ANKRD30B: variants seen among roughly 807,000 people sequenced by gnomAD.
ANKRD30B encodes ankyrin repeat domain 30B, also known as ankyrin repeat domain-containing protein 30B.
ANKRD30B carries 144 observed loss-of-function variants against 202.2 expected under a neutral mutation model. The ratio of observed to expected loss-of-function variants is 0.71; its 90% CI spans 0.62 to 0.82. The LOEUF (loss-of-function observed/expected upper bound fraction) is 0.82. Among genes scored for constraint, ANKRD30B ranks in the 40% least tolerant of loss-of-function variants. ANKRD30B has a pLI of 0.00. For synonymous variants in ANKRD30B, 508 were observed against 561.3 expected (o/e 0.91, Z 1.34); for missense variants, 1,487 against 1,669.1 (o/e 0.89, Z 1.90).
At chr18:14,880,135 G>T in the ANKRD30B span, among the ~76,000 whole-genome samples, 2 of 152,018 alleles carry the variant, frequency 1.3e-5, no homozygotes, top group Middle Eastern at 3.4e-3. Context: ...TGTTGAAAAG[G>T]GTGTCCTTTC....
At chr18:14,808,942 C>G (rs1262446479) in intron 26 of ANKRD30B, among the ~76,000 whole-genome samples, 198 bp downstream of exon 26, 22 of 150,818 alleles carry the variant, frequency 1.5e-4, no homozygotes, top group Non-Finnish European at 3.0e-4. Context: ...AAAAATTCAG[C>G]TTTGCCTCAT....
At chr18:14,902,815 C>G in the ANKRD30B span, among the ~76,000 whole-genome samples, 3 of 152,164 alleles carry the variant, frequency 2.0e-5, no homozygotes, top group Non-Finnish European at 2.9e-5. Flanking sequence ...GCATATTTTT[C>G]TCCTATGTTT....
chr18:14,886,104 C>T, the ANKRD30B span, among the ~76,000 whole-genome samples: 1 of 151,696 alleles, frequency 6.6e-6, no homozygotes, highest in East Asian at 1.9e-4. Context: ...AAGTGCATTG[C>T]CAAGACATAG....
chr18:14,756,486 A>G (rs1567979573), intron 4 of ANKRD30B, among the ~76,000 whole-genome samples: 1 of 152,180 alleles, frequency 6.6e-6, no homozygotes, highest in Non-Finnish European at 1.5e-5. Context: ...GCCCATGCCT[A>G]TGTCCTGAAT....
the ANKRD30B span, among the ~76,000 whole-genome samples, chr18:14,911,993 T>G: frequency 6.6e-6 from 1 of 152,198 alleles, no homozygotes; most frequent in African/African-American, 2.4e-5. Context: ...GTTACAGAAT[T>G]CATTTATCAA....
chr18:14,860,352 T>G, the ANKRD30B span, among the ~76,000 whole-genome samples: 190 of 39,784 alleles, frequency 4.8e-3, no homozygotes, highest in South Asian at 5.8e-3. Flanking sequence ...CAGACAGGGC[T>G]GCCGGGCAGA....
the ANKRD30B span, among the ~76,000 whole-genome samples, chr18:14,892,468 G>T: frequency 6.6e-6 from 1 of 152,216 alleles, no homozygotes; most frequent in African/African-American, 2.4e-5. Context: ...GCTGGATGTG[G>T]TAGCTCACAC....
the ANKRD30B span, among the ~76,000 whole-genome samples, chr18:14,904,766 G>T: frequency 6.6e-6 from 1 of 152,160 alleles, no homozygotes; most frequent in Non-Finnish European, 1.5e-5. Context: ...ATTACAGCTT[G>T]GTTTATACTT....
intron 14 of ANKRD30B, among the ~76,000 whole-genome samples, chr18:14,785,668 TCTGAAAATGA>T (rs1968033657): frequency 6.6e-6 from 1 of 152,164 alleles, no homozygotes; most frequent in African/African-American, 2.4e-5. Context: ...AGGGTATGCT[TCTGAAAATGA>T]GTGAAAATGG....
At chr18:14,913,930 T>C in the ANKRD30B span, among the ~76,000 whole-genome samples, 1 of 152,224 alleles carries the variant, frequency 6.6e-6, no homozygotes. Context: ...TTTACAAAAG[T>C]CTTAATGAGG....
chr18:14,865,340 C>T, the ANKRD30B span, among the ~76,000 whole-genome samples: 1 of 148,288 alleles, frequency 6.7e-6, no homozygotes, highest in Non-Finnish European at 1.5e-5. Context: ...CTCTCTCTTC[C>T]CCCTCCCTCT....
chr18:14,790,192 G>A (rs1193040828), intron 15 of ANKRD30B, among the ~76,000 whole-genome samples: 1 of 152,112 alleles, frequency 6.6e-6, no homozygotes, highest in Non-Finnish European at 1.5e-5. Flanking sequence ...CTCTCTGTTT[G>A]TCTGTTATTG....
At chr18:14,914,455 G>T in the ANKRD30B span, among the ~76,000 whole-genome samples, 4 of 152,182 alleles carry the variant, frequency 2.6e-5, no homozygotes, top group Non-Finnish European at 4.4e-5. Flanking sequence ...GAGAGCTCTG[G>T]GAACAGGGCC....
chr18:14,892,427 AT>A, the ANKRD30B span, among the ~76,000 whole-genome samples: 2 of 151,296 alleles, frequency 1.3e-5, no homozygotes, highest in Non-Finnish European at 2.9e-5. Context: ...ATTGCCCACT[AT>A]TTCTTTACTG....
intron 3 of ANKRD30B, among the ~76,000 whole-genome samples, chr18:14,754,325 A>G (rs1320501631): frequency 1.3e-5 from 2 of 152,200 alleles, no homozygotes; most frequent in Non-Finnish European, 2.9e-5. Flanking sequence ...AATTTGTCAA[A>G]TGTTAATCTC....
chr18:14,798,375 A>G (rs996465600), intron 20 of ANKRD30B, among the ~76,000 whole-genome samples: 1 of 152,158 alleles, frequency 6.6e-6, no homozygotes, highest in Non-Finnish European at 1.5e-5. Context: ...ATAAGAATTT[A>G]CAATATAGTG....
At chr18:14,835,939 C>CA (rs1375110371) in intron 34 of ANKRD30B, among the ~76,000 whole-genome samples, 2 of 151,412 alleles carry the variant, frequency 1.3e-5, no homozygotes, top group Non-Finnish European at 2.9e-5. Context: ...ATGCATATTG[C>CA]AAAAAATATT....
the ANKRD30B span, among the ~76,000 whole-genome samples, chr18:14,902,095 G>T: frequency 1.3e-5 from 2 of 152,136 alleles, no homozygotes; most frequent in Admixed American, 1.3e-4. Context: ...GAAAAAATCA[G>T]ATTTTGTGAG....
At chr18:14,792,450 G>T (rs751704294) in intron 16 of ANKRD30B, among the ~76,000 whole-genome samples, 14 of 151,864 alleles carry the variant, frequency 9.2e-5, no homozygotes, top group Admixed American at 3.3e-4. Context: ...AAGAGTGTGT[G>T]TTGAATGGGA....
Sources: allele counts gnomAD v4.1 joint callset (sites outside exome capture counted in the v4.1 genomes callset), GRCh38; gene constraint gnomAD v4.1.1; transcripts MANE v1.5; gene names NCBI Gene and HGNC (gene_info 2026-07-23, HGNC 2026-07-21).